The following NELL2 variants were observed in gnomAD, a reference collection of about 807,000 sequenced individuals.
NELL2 encodes the protein protein kinase C-binding protein NELL2.
NELL2 carries 41 observed loss-of-function variants against 109.6 expected under a neutral mutation model. That is an observed-to-expected ratio of 0.37 (90% CI 0.29 to 0.49). NELL2 has a LOEUF of 0.49. Among genes scored for constraint, NELL2 ranks in the 20% least tolerant of loss-of-function variants. NELL2 has a pLI of 0.98. For synonymous variants in NELL2, 355 were observed against 344.7 expected, an observed-to-expected ratio of 1.03 and a Z score of -0.33; for missense variants, 900 against 1,008.3, an observed-to-expected ratio of 0.89 and a Z score of 1.45.
intron 2 of NELL2, among the ~76,000 whole-genome samples, chr12:44,816,592 A>C (rs1053979762): frequency 6.6e-6 from 1 of 152,140 alleles, no homozygotes; most frequent in Non-Finnish European, 1.5e-5. Context: ...TCTATGTGCC[A>C]CCCTCCACAT....
intron 3 of NELL2, among the ~76,000 whole-genome samples, chr12:44,812,870 C>A (rs1943223254): frequency 6.6e-6 from 1 of 152,094 alleles, no homozygotes; most frequent in Non-Finnish European, 1.5e-5. Context: ...ACGGAGAGAC[C>A]AGATAGCACA....
intron 8 of NELL2, 139 bp downstream of exon 8, chr12:44,775,883 T>G: frequency 1.2e-6 from 1 of 844,596 alleles, no homozygotes; most frequent in Non-Finnish European, 1.8e-6. Flanking sequence ...TCTTTAGATA[T>G]GACCAGGTTT....
chr12:44,869,838 T>G (rs997454775), intron 2 of NELL2, among the ~76,000 whole-genome samples: 1 of 152,200 alleles, frequency 6.6e-6, no homozygotes, highest in Non-Finnish European at 1.5e-5. Context: ...TGTTTTGGAA[T>G]CTGAATAGGT....
chr12:44,911,332 T>C (rs1467863554), intron 1 of NELL2, among the ~76,000 whole-genome samples: 1 of 151,940 alleles, frequency 6.6e-6, no homozygotes, highest in African/African-American at 2.4e-5. Context: ...TCTTATTCAA[T>C]TTCAAGAAGA....
At chr12:44,766,432 C>T (rs1941338055) in intron 9 of NELL2, among the ~76,000 whole-genome samples, 1 of 152,144 alleles carries the variant, frequency 6.6e-6, no homozygotes, top group Non-Finnish European at 1.5e-5. Flanking sequence ...CTACTTTCCA[C>T]GTAATTGCCA....
At chr12:44,764,447 T>C (rs1428584114) in intron 9 of NELL2, among the ~76,000 whole-genome samples, 2 of 152,210 alleles carry the variant, frequency 1.3e-5, no homozygotes, top group Non-Finnish European at 2.9e-5. Context: ...CCTCTTCTCT[T>C]ACTAATCATA....
At chr12:44,912,029 G>A (rs1322833315) in intron 1 of NELL2, among the ~76,000 whole-genome samples, 1 of 151,670 alleles carries the variant, frequency 6.6e-6, no homozygotes, top group African/African-American at 2.4e-5. Flanking sequence ...TGCCCCTGAG[G>A]ATTGAGTTGG....
intron 3 of NELL2, among the ~76,000 whole-genome samples, chr12:44,799,294 C>T (rs1049502611): frequency 6.6e-5 from 10 of 152,000 alleles, no homozygotes; most frequent in Non-Finnish European, 1.5e-4. Flanking sequence ...ATGCGTATGA[C>T]CTTTGTGCAA....
At chr12:44,803,341 A>T (rs1373175674) in intron 3 of NELL2, among the ~76,000 whole-genome samples, 1 of 152,060 alleles carries the variant, frequency 6.6e-6, no homozygotes, top group African/African-American at 2.4e-5. Context: ...GGGTCTGTAG[A>T]TTAGATAATA....
At chr12:44,847,654 A>G (rs1944411050) in intron 2 of NELL2, among the ~76,000 whole-genome samples, 1 of 151,730 alleles carries the variant, frequency 6.6e-6, no homozygotes, top group Admixed American at 6.6e-5. Flanking sequence ...AAATTTTTTT[A>G]ACCCACTCCA....
rs959062420 is a variant in NELL2, at chr12:44,824,443, G to A, written c.185-8307C>T. Among the ~76,000 whole-genome samples, 3 of 152,166 alleles carry A rather than the reference G, an allele frequency of 2.0e-5. No individual in the cohort carries two copies. In the South Asian group the frequency reaches 6.2e-4, roughly 32 times the overall value. On this transcript the variant is annotated intron_variant, in intron 2 of 19. Coordinates refer to ENST00000429094, the MANE Select transcript of NELL2 (RefSeq NM_001145108.2). ...TGTCTGTATATGGTGTGAGATAAGG[G>A]TCTAATTTCATTCTTATGCATGTGG...
chr12:44,560,447 G>A (rs1943426883), intron 15 of NELL2, among the ~76,000 whole-genome samples: 2 of 151,710 alleles, frequency 1.3e-5, no homozygotes, highest in Admixed American at 1.3e-4. Flanking sequence ...TAATAAAGAA[G>A]AAAAGAGAGA....
In NELL2 at chr12:44,781,029, A is replaced by T. The variant is rs544095050; in HGVS notation, c.336-1007T>A. ...ATTCATTATACCAAGAAGCAAAGAAATCTCCAACAGATTGTAAAAAGAAAA... is the reference window on the plus strand; with the variant it reads ...ATTCATTATACCAAGAAGCAAAGAATTCTCCAACAGATTGTAAAAAGAAAA... On this transcript the variant is annotated intron_variant, in intron 3 of 19. Coordinates refer to ENST00000429094, the MANE Select transcript of NELL2 (RefSeq NM_001145108.2). 1.2e-4 allele frequency among the ~76,000 whole-genome samples: 18 copies of T among 152,272 alleles called. No individual in the cohort carries two copies. In the East Asian group the frequency reaches 3.5e-3, roughly 29 times the overall value.
chr12:44,509,095 A>T, intron 19 of NELL2, 111 bp from the exon 20 acceptor site: 1 of 836,610 alleles, frequency 1.2e-6, no homozygotes, highest in East Asian at 2.7e-5. Flanking sequence ...TTATTTCTGC[A>T]TTCCTAAAAA....
At chr12:44,807,886 T>C (rs1047951244) in intron 3 of NELL2, among the ~76,000 whole-genome samples, 1 of 151,980 alleles carries the variant, frequency 6.6e-6, no homozygotes, top group African/African-American at 2.4e-5. Flanking sequence ...GACAGTTGCT[T>C]ACACAAAAAC....
At chr12:44,673,097 CCAT>C (rs1011321564) in intron 12 of NELL2, among the ~76,000 whole-genome samples, 1 of 152,118 alleles carries the variant, frequency 6.6e-6, no homozygotes, top group African/African-American at 2.4e-5. Context: ...AAAAATACCA[CCAT>C]AACTCTGTAG....
At chr12:44,880,847 TGTTGTTG>T (rs1945403434), upstream of NELL2, 1 of 151,962 alleles carries the variant, frequency 6.6e-6, no homozygotes, top group South Asian at 2.1e-4. Flanking sequence ...TTGTTGTTGT[TGTTGTTG>T]TTGTTGTTGT....
intron 12 of NELL2, among the ~76,000 whole-genome samples, chr12:44,693,499 T>C (rs1264756877): frequency 6.6e-6 from 1 of 152,204 alleles, no homozygotes; most frequent in African/African-American, 2.4e-5. Flanking sequence ...ATTAGCTTTG[T>C]ATGAGAAACC....
At chr12:44,598,926 A>C (rs1227937107) in intron 15 of NELL2, among the ~76,000 whole-genome samples, 2 of 151,214 alleles carry the variant, frequency 1.3e-5, no homozygotes, top group African/African-American at 2.4e-5. Flanking sequence ...CTCACAGATA[A>C]AAAAAATCCA....
Sources: gnomAD v4.1 joint callset for allele counts (sites outside exome capture counted in the v4.1 genomes callset) on GRCh38, gnomAD v4.1.1 for gene constraint, MANE v1.5 for transcripts, NCBI Gene and HGNC (gene_info 2026-07-23, HGNC 2026-07-21) for gene names.